Variants in MAP4K3 observed in about 807,000 individuals in gnomAD.
The protein encoded by MAP4K3 is mitogen-activated protein kinase kinase kinase kinase 3, also known as MAPK/ERK kinase kinase kinase 3.
Under a neutral mutation model 143.5 loss-of-function variants are expected in MAP4K3, and 94 were observed. The observed-to-expected ratio is 0.65, with a 90% CI of 0.55 to 0.78. The LOEUF (loss-of-function observed/expected upper bound fraction) is 0.78, where lower values mean the gene tolerates loss of function less well. MAP4K3 is among the 30% of genes least tolerant of loss of function. MAP4K3 has a pLI of 0.00. For synonymous variants in MAP4K3, 416 were observed against 347.2 expected, an observed-to-expected ratio of 1.20 and a Z score of -2.20; for missense variants, 1,077 against 1,068.1, an observed-to-expected ratio of 1.01 and a Z score of -0.12.
At chr2:39,433,642 AATAC>A (rs1665361970) in intron 1 of MAP4K3, among the ~76,000 whole-genome samples, 1 of 152,124 alleles carries the variant, frequency 6.6e-6, no homozygotes, top group Admixed American at 6.5e-5. Flanking sequence ...GAAAAACACA[AATAC>A]ATACAACATT....
At chr2:39,308,041 C>T (rs569321968) in intron 14 of MAP4K3, 36 bp from the exon 15 acceptor site, 36 of 1,468,484 alleles carry the variant, frequency 2.5e-5, no homozygotes, top group African/African-American at 8.6e-5. Context: ...AAGTTATTTA[C>T]GCTTAGACTA....
At chr2:39,317,613 C>CA (rs1430019352) in intron 12 of MAP4K3, among the ~76,000 whole-genome samples, 1 of 151,716 alleles carries the variant, frequency 6.6e-6, no homozygotes, top group East Asian at 1.9e-4. Context: ...AGATACTTTT[C>CA]AAAAGAAGAC....
intron 1 of MAP4K3, among the ~76,000 whole-genome samples, chr2:39,384,311 C>T (rs1244534881): frequency 3.3e-5 from 5 of 151,646 alleles, no homozygotes; most frequent in Admixed American, 2.6e-4. Flanking sequence ...TTTGGGAGGC[C>T]GAGGTAGGCG....
intron 12 of MAP4K3, among the ~76,000 whole-genome samples, chr2:39,320,705 T>C (rs1270211909): frequency 1.3e-5 from 2 of 152,200 alleles, no homozygotes; most frequent in African/African-American, 2.4e-5. Flanking sequence ...AGAGGTCTTA[T>C]TCAAAAAACT....
rs542161356 is a variant in MAP4K3 at position 39,369,979 on chromosome 2, T to G, written c.154+8087A>C. Among the ~76,000 whole-genome samples, 6 of 152,328 alleles carry G rather than the reference T, an allele frequency of 3.9e-5. No homozygotes were observed. The South Asian group carries it at 1.2e-3, about 32-fold the overall frequency. ...TAGGCTGCTACTTACATAAACATTC[T>G]AGTTTTCACATTGGATAACAAGTTA... On this transcript the variant is annotated intron_variant, in intron 2 of 33. Coordinates refer to ENST00000263881, the MANE Select transcript of MAP4K3 (RefSeq NM_003618.4).
Position 39,367,419 on chromosome 2 carries a change from A to G in MAP4K3, c.154+10647T>C, listed in dbSNP as rs571948902. Among the ~76,000 whole-genome samples the G allele has an allele frequency of 5.3e-5, 8 of 152,234 alleles. No individual in the cohort carries two copies. In the South Asian group the frequency reaches 1.7e-3, roughly 32 times the overall value. ...GCTGGGTATGGTGGTGTGAGCCTGT[A>G]GTCGCAGCTACTTGGGAGGCTTAAA... On this transcript the variant is annotated intron_variant, in intron 2 of 33. Coordinates refer to ENST00000263881, the MANE Select transcript of MAP4K3 (RefSeq NM_003618.4).
At chr2:39,296,953 T>C (rs1005265542) in intron 16 of MAP4K3, among the ~76,000 whole-genome samples, 3 of 152,202 alleles carry the variant, frequency 2.0e-5, no homozygotes, top group Non-Finnish European at 4.4e-5. Flanking sequence ...CTCAAAGTCA[T>C]GTAGCTTATA....
chr2:39,313,451 TTTCC>T (rs1445201155), intron 13 of MAP4K3, among the ~76,000 whole-genome samples: 3 of 76,408 alleles, frequency 3.9e-5, no homozygotes, highest in Admixed American at 1.3e-4. Flanking sequence ...TTCTTCTTTC[TTTCC>T]TTCTTTCTTT....
intron 16 of MAP4K3, among the ~76,000 whole-genome samples, chr2:39,297,249 C>G (rs1040699948): frequency 3.0e-4 from 45 of 152,112 alleles, no homozygotes; most frequent in African/African-American, 1.1e-3. Context: ...TCCCGAGTAG[C>G]TGGGACCTCA....
Position 39,337,599 on chromosome 2 carries a change from T to G in MAP4K3, c.311-18A>C. On this transcript the variant is annotated intron_variant, in intron 4 of 33. Coordinates refer to ENST00000263881, the MANE Select transcript of MAP4K3 (RefSeq NM_003618.4). ...TCCAGTTACTGTAAAAGAAGACAAT[T>G]AATACTCATAAAATTAGTCAACGCA... The G allele has an allele frequency of 2.6e-6, 4 of 1,562,284 alleles. No individual in the cohort carries two copies. The highest frequency in any genetic ancestry group is 3.5e-6 in the Non-Finnish European group (4 of 1,135,558).
Position 39,288,265 on chromosome 2 carries a change from T to C in MAP4K3, c.1330A>G (p.Ile444Val). The C allele has an allele frequency of 6.2e-7, 1 of 1,613,878 alleles. No individual in the cohort carries two copies. Among genetic ancestry groups the C allele is most frequent in the Non-Finnish European group, 8.5e-7 (1 of 1,179,796 alleles). The change falls in exon 20 of 34, where the codon ATA becomes GTA. Residue 444 changes from isoleucine (I) to valine (V), a missense_variant. Physicochemically the swap from Ile to Val is conservative, Grantham distance 29. Around this residue, in one of 2 missense-constraint regions of MAP4K3, gnomAD observed 864 missense variants for 801.2 expected, o/e 1.08. Coordinates refer to ENST00000263881, the MANE Select transcript of MAP4K3 (RefSeq NM_003618.4). The stretch of plus-strand genomic sequence containing the variant: ...TCAGTAGAATGCATTTCCTGTGGTA[T>C]GAAGATAGACTTAGGCTGAAATAAT... ...PLPPKPKSIFIPQEMHSTEDE... is the reference protein window; with the variant it reads ...PLPPKPKSIFVPQEMHSTEDE...
intron 2 of MAP4K3, among the ~76,000 whole-genome samples, chr2:39,371,825 G>GTA (rs965655918): frequency 4.6e-5 from 7 of 151,040 alleles, no homozygotes; most frequent in South Asian, 4.2e-4. Flanking sequence ...ATATATATAT[G>GTA]TATATATATA....
At chr2:39,410,258 C>A (rs1036361931) in intron 1 of MAP4K3, among the ~76,000 whole-genome samples, 1 of 152,088 alleles carries the variant, frequency 6.6e-6, no homozygotes. Flanking sequence ...GCAGCTGAAC[C>A]CTTTATAGAT....
At chr2:39,335,940 G>A (rs890970471) in intron 6 of MAP4K3, among the ~76,000 whole-genome samples, 1 of 152,050 alleles carries the variant, frequency 6.6e-6, no homozygotes, top group Non-Finnish European at 1.5e-5. Context: ...CTCAAAAAAG[G>A]TTAAAAATCT....
intron 26 of MAP4K3, among the ~76,000 whole-genome samples, chr2:39,270,596 G>A (rs569538583): frequency 3.3e-5 from 5 of 152,260 alleles, no homozygotes; most frequent in Admixed American, 1.3e-4. Context: ...CTGAATATAC[G>A]TGGAGAGGCT....
At chr2:39,295,965 C>T (rs1012034405) in intron 16 of MAP4K3, among the ~76,000 whole-genome samples, 4 of 152,066 alleles carry the variant, frequency 2.6e-5, no homozygotes, top group African/African-American at 4.8e-5. Context: ...GTGATCCACC[C>T]GCCTTGGCTT....
rs949069752 is a variant in MAP4K3, at chr2:39,289,929, T to C, written c.1314+363A>G. ...GCAAAACCCAGTCTCTACTAAAAAATACAAAACTTTAGCTGGACCTGGTGG... is the reference window on the plus strand; with the variant it reads ...GCAAAACCCAGTCTCTACTAAAAAACACAAAACTTTAGCTGGACCTGGTGG... On this transcript the variant is annotated intron_variant, in intron 19 of 33. Transcript: ENST00000263881. Among the ~76,000 whole-genome samples, 4 of 151,844 alleles carry C rather than the reference T, an allele frequency of 2.6e-5. 1 individual carries two copies. Among genetic ancestry groups the C allele is most frequent in the Admixed American group, 2.6e-4 (4 of 15,258 alleles).
chr2:39,267,589 C>T (rs1680818194), intron 26 of MAP4K3, among the ~76,000 whole-genome samples: 2 of 151,496 alleles, frequency 1.3e-5, no homozygotes, highest in Admixed American at 1.3e-4. Context: ...AGGAGAATCG[C>T]TTGAACCCAG....
chr2:39,265,245 T>C lies in MAP4K3; in HGVS notation c.2094A>G (p.Leu698=), dbSNP rs34589246. 1,057 of 1,613,580 alleles carry C rather than the reference T, an allele frequency of 6.6e-4. 10 individuals are homozygous for C. The Admixed American group carries it at 0.016, about 24-fold the overall frequency. Residue 698 remains leucine, a synonymous_variant, in exon 28 of 34, where the codon CTA becomes CTG. Transcript: ENST00000263881. Reference sequence around the variant, plus strand: ...TCTGCATTGGTTCAACCCATTCTAATAGAACAATGCTAGTCTGAAGTGCTC... The same window carrying C: ...TCTGCATTGGTTCAACCCATTCTAACAGAACAATGCTAGTCTGAAGTGCTC... The part of the protein sequence containing the change: ...LCGALQTSIV[L]LEWVEPMQKF...
Sources: allele counts gnomAD v4.1 joint callset (sites outside exome capture counted in the v4.1 genomes callset), GRCh38; gene constraint gnomAD v4.1.1; regional missense constraint gnomAD v4.1.1; transcripts MANE v1.5; gene names NCBI Gene and HGNC (gene_info 2026-07-23, HGNC 2026-07-21).